The following CADM2 variants were observed in gnomAD, a reference collection of about 807,000 sequenced individuals.
CADM2 encodes cell adhesion molecule 2, also known as immunoglobulin superfamily member 4D.
Under a neutral mutation model 49.8 loss-of-function variants are expected in CADM2, and 12 were observed. The ratio of observed to expected loss-of-function variants is 0.24; its 90% confidence interval spans 0.15 to 0.39. The LOEUF is 0.39. Ranked by LOEUF, CADM2 falls within the 10% of genes least tolerant of loss-of-function variation. CADM2 has a pLI of 1.00. For synonymous variants in CADM2, 214 were observed against 175.4 expected (o/e 1.22, Z -1.74); for missense variants, 378 against 492.3 (o/e 0.77, Z 2.20).
At chr3:84,969,572 C>G (rs1473490539) in intron 1 of CADM2, among the ~76,000 whole-genome samples, 1 of 151,462 alleles carries the variant, frequency 6.6e-6, no homozygotes, top group Admixed American at 6.6e-5. Flanking sequence ...AATCTTGACA[C>G]AACTCTTTAA....
intron 1 of CADM2, among the ~76,000 whole-genome samples, chr3:85,260,063 TA>T (rs1207253836): frequency 1.6e-4 from 24 of 152,226 alleles, no homozygotes; most frequent in Admixed American, 9.2e-4. Flanking sequence ...ATTTTTTAAA[TA>T]TTTTTTTCTG....
chr3:85,482,584 G>T (rs927391542), intron 1 of CADM2, among the ~76,000 whole-genome samples: 1 of 151,656 alleles, frequency 6.6e-6, no homozygotes, highest in African/African-American at 2.4e-5. Flanking sequence ...TTTATGTAAA[G>T]ATCTATTTAA....
intron 1 of CADM2, among the ~76,000 whole-genome samples, chr3:85,653,245 G>A (rs1235805853): frequency 3.3e-5 from 5 of 150,132 alleles, no homozygotes; most frequent in Non-Finnish European, 7.4e-5. Context: ...TTTACTGTGA[G>A]CAAGGAGGGG....
intron 1 of CADM2, among the ~76,000 whole-genome samples, chr3:85,166,058 C>T (rs1056383592): frequency 6.6e-6 from 1 of 151,518 alleles, no homozygotes; most frequent in African/African-American, 2.4e-5. Flanking sequence ...CTTTAAAGCA[C>T]AGGAAGTTTA....
At chr3:85,149,838 A>C (rs2039868067) in intron 1 of CADM2, among the ~76,000 whole-genome samples, 1 of 152,240 alleles carries the variant, frequency 6.6e-6, no homozygotes, top group East Asian at 1.9e-4. Context: ...TATTTACAAT[A>C]ATCTGAATCT....
At chr3:85,788,025 CTG>C (rs2071098382) in intron 2 of CADM2, among the ~76,000 whole-genome samples, 1 of 152,098 alleles carries the variant, frequency 6.6e-6, no homozygotes, top group Non-Finnish European at 1.5e-5. Context: ...AAATGGCTGA[CTG>C]TTTCTCGCCA....
intron 1 of CADM2, among the ~76,000 whole-genome samples, chr3:85,137,011 T>C (rs77128392): frequency 6.6e-6 from 1 of 151,924 alleles, no homozygotes; most frequent in Non-Finnish European, 1.5e-5. Flanking sequence ...AATATAAAGA[T>C]ATTTTTCCTT....
At chr3:85,795,222 G>C (rs1212114876) in intron 2 of CADM2, among the ~76,000 whole-genome samples, 60 of 152,048 alleles carry the variant, frequency 3.9e-4, no homozygotes, top group Admixed American at 3.9e-3. Context: ...TCTTTGGAAA[G>C]ACTCTAAGAT....
intron 1 of CADM2, among the ~76,000 whole-genome samples, chr3:85,426,526 C>T (rs1005660187): frequency 3.3e-5 from 5 of 151,912 alleles, no homozygotes; most frequent in South Asian, 2.1e-4. Flanking sequence ...TATATATTTA[C>T]GGGGTGCATG....
At chr3:85,135,024 A>G (rs1350142560) in intron 1 of CADM2, among the ~76,000 whole-genome samples, 2 of 151,970 alleles carry the variant, frequency 1.3e-5, no homozygotes, top group Non-Finnish European at 2.9e-5. Context: ...TAATTTGTGT[A>G]ATTTTTAACA....
At chr3:85,602,989 G>C (rs549923456) in intron 1 of CADM2, among the ~76,000 whole-genome samples, 1 of 151,768 alleles carries the variant, frequency 6.6e-6, no homozygotes, top group Non-Finnish European at 1.5e-5. Context: ...TACACAAGCA[G>C]AGTTAAGCAA....
At chr3:85,562,083 G>A (rs1175850799) in intron 1 of CADM2, among the ~76,000 whole-genome samples, 1 of 152,090 alleles carries the variant, frequency 6.6e-6, no homozygotes, top group Non-Finnish European at 1.5e-5. Flanking sequence ...TTGGAGCTAG[G>A]TAACGTTCAC....
chr3:86,028,794 A>G (rs1734227647), intron 8 of CADM2, among the ~76,000 whole-genome samples: 1 of 152,178 alleles, frequency 6.6e-6, no homozygotes. Flanking sequence ...CTTAATCCTC[A>G]GTATTCACAT....
chr3:85,590,030 T>A (rs2107337120), intron 1 of CADM2, among the ~76,000 whole-genome samples: 1 of 152,110 alleles, frequency 6.6e-6, no homozygotes, highest in East Asian at 1.9e-4. Flanking sequence ...AATGTACATT[T>A]AAAAACAGGT....
At chr3:85,401,143 G>T (rs1330993186) in intron 1 of CADM2, among the ~76,000 whole-genome samples, 1 of 152,108 alleles carries the variant, frequency 6.6e-6, no homozygotes, top group Non-Finnish European at 1.5e-5. Context: ...CCACTAAGCT[G>T]GACCAGAAGC....
intron 1 of CADM2, among the ~76,000 whole-genome samples, chr3:85,430,778 TA>T (rs1428399519): frequency 1.8e-4 from 27 of 152,220 alleles, no homozygotes; most frequent in African/African-American, 6.3e-4. Context: ...CTTGTTGTTG[TA>T]CTTTTGTTAC....
At chr3:85,868,370 A>T (rs1052733348) in intron 3 of CADM2, among the ~76,000 whole-genome samples, 1 of 152,060 alleles carries the variant, frequency 6.6e-6, no homozygotes, top group African/African-American at 2.4e-5. Context: ...TAAATCTATG[A>T]TGACAGTTTT....
chr3:85,103,490 T>TA lies in CADM2; in HGVS notation c.61+143823dup, dbSNP rs112416457. ...CCTAGGATTCTGTCTATAAGAAACT[T>TA]ACAATACTATGTATAAGAAAATGGC... On this transcript the variant is annotated intron_variant, in intron 1 of 9. Transcript: ENST00000383699. Among the ~76,000 whole-genome samples the TA allele has an allele frequency of 8.9e-3, 1,349 of 152,196 alleles. 23 individuals carry two copies. Among genetic ancestry groups the TA allele is most frequent in the African/African-American group, 0.03 (1,238 of 41,526 alleles).
rs77832719 is a variant in CADM2 at position 85,848,824 on chromosome 3, C to T, written c.239-34467C>T. ...ATGAACAACTTCATGTTACTGACTA[C>T]ATGTCAGGCACTGGTCTACTTCATT... On this transcript the variant is annotated intron_variant, in intron 3 of 9. Coordinates refer to ENST00000383699, the MANE Select transcript of CADM2 (RefSeq NM_001167675.2). Among the ~76,000 whole-genome samples the T allele has an allele frequency of 6.4e-3, 976 of 152,214 alleles. 9 individuals carry two copies. Among genetic ancestry groups the T allele is most frequent in the South Asian group, 0.026 (125 of 4,824 alleles).
Sources: allele counts gnomAD v4.1 joint callset (sites outside exome capture counted in the v4.1 genomes callset), GRCh38; gene constraint gnomAD v4.1.1; transcripts MANE v1.5; gene names NCBI Gene and HGNC (gene_info 2026-07-23, HGNC 2026-07-21).